Variants in SMARCC1 observed in about 807,000 individuals in gnomAD.
SMARCC1 encodes SWI/SNF complex subunit SMARCC1.
SMARCC1 carries 43 observed loss-of-function variants against 147.4 expected under a neutral mutation model. The ratio of observed to expected loss-of-function variants is 0.29; its 90% CI spans 0.23 to 0.38. The LOEUF (loss-of-function observed/expected upper bound fraction) is 0.38. Among genes scored for constraint, SMARCC1 ranks in the 10% least tolerant of loss-of-function variants. SMARCC1 has a pLI of 1.00. For missense variants in SMARCC1, 1,119 were observed against 1,381.1 expected (o/e 0.81, Z 3.01); for synonymous variants, 495 against 484.4 (o/e 1.02, Z -0.29).
intron 6 of SMARCC1, among the ~76,000 whole-genome samples, chr3:47,723,355 GTTTT>G (rs71070218): frequency 1.9e-4 from 20 of 106,664 alleles, no homozygotes; most frequent in East Asian, 1.4e-3. Context: ...TTTTTGTTGG[GTTTT>G]TTTTTTTTTT....
At chr3:47,591,676 G>A (rs987531440) in intron 26 of SMARCC1, among the ~76,000 whole-genome samples, 2 of 151,986 alleles carry the variant, frequency 1.3e-5, no homozygotes, top group Non-Finnish European at 2.9e-5. Context: ...CCAAGTAGCT[G>A]GGATTACAGG....
At chr3:47,690,765 G>T (rs1410751619) in intron 12 of SMARCC1, among the ~76,000 whole-genome samples, 1 of 152,228 alleles carries the variant, frequency 6.6e-6, no homozygotes, top group African/African-American at 2.4e-5. Context: ...GCCACCCAGA[G>T]ATGGACACGG....
chr3:47,742,150 T>A (rs1039721774), intron 3 of SMARCC1, among the ~76,000 whole-genome samples: 1 of 152,080 alleles, frequency 6.6e-6, no homozygotes, highest in Non-Finnish European at 1.5e-5. Context: ...CTAATTTGCA[T>A]TCCTCTTTCG....
At chr3:47,680,077 C>A (rs1476220279) in intron 15 of SMARCC1, 2 of 188,434 alleles carry the variant, frequency 1.1e-5, no homozygotes, top group Non-Finnish European at 1.1e-5. Flanking sequence ...AAACATCAGC[C>A]AAGTGTGGTG....
chr3:47,746,818 C>T (rs1007803702), intron 2 of SMARCC1, among the ~76,000 whole-genome samples: 2 of 150,928 alleles, frequency 1.3e-5, no homozygotes, highest in African/African-American at 4.9e-5. Context: ...GCAACCTACG[C>T]CTCCCAGGTT....
At chr3:47,592,226 G>A (rs752259147) in intron 26 of SMARCC1, among the ~76,000 whole-genome samples, 1 of 152,210 alleles carries the variant, frequency 6.6e-6, no homozygotes, top group Non-Finnish European at 1.5e-5. Flanking sequence ...TTTCTATAAA[G>A]AGCCAGATAG....
intron 19 of SMARCC1, among the ~76,000 whole-genome samples, chr3:47,669,588 C>T (rs1177890066): frequency 1.3e-5 from 2 of 151,880 alleles, no homozygotes; most frequent in Non-Finnish European, 1.5e-5. Flanking sequence ...AAGCTCTCTG[C>T]GTATCACTGA....
intron 26 of SMARCC1, among the ~76,000 whole-genome samples, chr3:47,605,432 C>T (rs898756063): frequency 6.6e-6 from 1 of 152,174 alleles, no homozygotes. Context: ...TGTACAACCA[C>T]AAACAATAAT....
At chr3:47,689,921 T>C (rs1427263900) in intron 12 of SMARCC1, among the ~76,000 whole-genome samples, 1 of 152,156 alleles carries the variant, frequency 6.6e-6, no homozygotes. Flanking sequence ...ATTTCCACAA[T>C]GAAAAGTAAA....
intron 24 of SMARCC1, among the ~76,000 whole-genome samples, chr3:47,633,089 A>T (rs1383857767): frequency 6.6e-6 from 1 of 152,178 alleles, no homozygotes; most frequent in Non-Finnish European, 1.5e-5. Flanking sequence ...AATGTTGTTT[A>T]TTGAAACGGA....
chr3:47,622,223 T>G lies in SMARCC1; in HGVS notation c.2765A>C (p.Asp922Ala). ...AATACTTACAGCTTCTTTCTCTCTG[T>G]CCATGATAGTTTCCAGCTCTTCAAA... The part of the protein sequence containing the change: ...RHFEELETIM[D>A]REKEALEQQR... Residue 922 changes from aspartate to alanine, a missense_variant, in exon 25 of 28, where the codon GAC becomes GCC. By Grantham distance (126) the Asp-to-Ala change is moderately radical. Transcript: ENST00000254480. 1 of 1,605,524 alleles carries G rather than the reference T, an allele frequency of 6.2e-7. No homozygotes were observed. Among genetic ancestry groups the G allele is most frequent in the Admixed American group, 1.7e-5 (1 of 57,296 alleles).
chr3:47,616,950 A>G (rs2032653582), intron 25 of SMARCC1, among the ~76,000 whole-genome samples: 2 of 152,220 alleles, frequency 1.3e-5, no homozygotes, highest in South Asian at 4.1e-4. Context: ...TAAGATGAGC[A>G]AGAGTGCAAT....
intron 24 of SMARCC1, among the ~76,000 whole-genome samples, chr3:47,630,646 A>G (rs1393397718): frequency 6.6e-6 from 1 of 152,202 alleles, no homozygotes; most frequent in Non-Finnish European, 1.5e-5. Context: ...TTCCTGACAC[A>G]TTGAGAGGAT....
chr3:47,714,585 T>C, intron 7 of SMARCC1, 95 bp from the exon 8 acceptor site: 1 of 681,328 alleles, frequency 1.5e-6, no homozygotes, highest in Non-Finnish European at 2.5e-6. Context: ...TTAGAAATAC[T>C]ACTAAAATCC....
At chr3:47,651,772 T>C (rs2033193415) in intron 21 of SMARCC1, among the ~76,000 whole-genome samples, 3 of 152,226 alleles carry the variant, frequency 2.0e-5, no homozygotes, top group Non-Finnish European at 4.4e-5. Context: ...TTTGATTAGA[T>C]TGCTGTCCAT....
intron 8 of SMARCC1, among the ~76,000 whole-genome samples, chr3:47,713,826 T>C (rs1253060812): frequency 6.6e-6 from 1 of 152,216 alleles, no homozygotes; most frequent in East Asian, 1.9e-4. Flanking sequence ...GCTACCCAAA[T>C]GACATCATCA....
intron 2 of SMARCC1, among the ~76,000 whole-genome samples, chr3:47,772,131 A>G (rs1341904227): frequency 6.6e-6 from 1 of 152,184 alleles, no homozygotes; most frequent in African/African-American, 2.4e-5. Context: ...GGCTCGCACC[A>G]GTAATCAAAG....
At chr3:47,640,613 G>C (rs770106790) in intron 21 of SMARCC1, among the ~76,000 whole-genome samples, 2 of 152,008 alleles carry the variant, frequency 1.3e-5, no homozygotes, top group Non-Finnish European at 2.9e-5. Context: ...AAAATACACA[G>C]GTCCAGATGT....
intron 27 of SMARCC1, 30 bp downstream of exon 27, chr3:47,590,631 G>T (rs1477464623): frequency 3.4e-6 from 5 of 1,483,400 alleles, no homozygotes; most frequent in Non-Finnish European, 4.5e-6. Context: ...CGGACCCTGA[G>T]ATAATGCATC....
Sources: allele counts gnomAD v4.1 joint callset (sites outside exome capture counted in the v4.1 genomes callset), GRCh38; gene constraint gnomAD v4.1.1; transcripts MANE v1.5; gene names NCBI Gene and HGNC (gene_info 2026-07-23, HGNC 2026-07-21).